PTPN2: variants seen among roughly 807,000 people sequenced by gnomAD.
The protein encoded by PTPN2 is tyrosine-protein phosphatase non-receptor type 2.
In PTPN2, 19 loss-of-function variants were observed where a neutral mutation model predicts 57.3. The observed-to-expected ratio is 0.33, with a 90% CI of 0.23 to 0.49. The LOEUF is 0.49. Among genes scored for constraint, PTPN2 ranks in the 20% least tolerant of loss-of-function variants. PTPN2 has a pLI of 0.99. For synonymous variants in PTPN2, 153 were observed against 164.9 expected, an observed-to-expected ratio of 0.93 and a Z score of 0.55; for missense variants, 358 against 501.1, an observed-to-expected ratio of 0.71 and a Z score of 2.73.
intron 1 of PTPN2, among the ~76,000 whole-genome samples, chr18:12,865,323 T>A (rs2043953616): frequency 6.6e-6 from 1 of 151,658 alleles, no homozygotes; most frequent in Non-Finnish European, 1.5e-5. Context: ...TGGTCCCAGC[T>A]ACTTGGGAGG....
chr18:12,792,987 G>A lies in PTPN2; in HGVS notation c.*1291C>T. The A allele has an allele frequency of 3.0e-6, 3 of 984,642 alleles. No individual in the cohort carries two copies. Among genetic ancestry groups the A allele is most frequent in the Non-Finnish European group, 3.6e-6 (3 of 829,210 alleles). The allele number at this position is 984,642 out of a possible 1,614,324, so 61.0% of individuals were successfully genotyped here. A position where few individuals can be genotyped will look rare whatever the true frequency, so the allele number is the denominator to read the frequency against. ...AAAGAGACAAGGCAGAGATGCTGTG[G>A]TTGAAAGTAACCTCTTGACCCACCT... On this transcript the variant is annotated 3_prime_UTR_variant, in exon 9 of 9. Transcript: ENST00000309660.
intron 8 of PTPN2, among the ~76,000 whole-genome samples, chr18:12,794,914 C>T (rs777231689): frequency 4.6e-5 from 7 of 152,106 alleles, no homozygotes; most frequent in Non-Finnish European, 8.8e-5. Context: ...TGAGCCACGG[C>T]GCCCGGCCAA....
At chr18:12,825,985 A>T (rs1428367219) in intron 4 of PTPN2, 41 bp from the exon 5 acceptor site, 4 of 1,491,748 alleles carry the variant, frequency 2.7e-6, no homozygotes. Context: ...TTTAGTTTAT[A>T]GACATCATGA....
At chr18:12,880,478 G>A (rs960720410) in intron 1 of PTPN2, 1 of 152,234 alleles carries the variant, frequency 6.6e-6, no homozygotes, top group African/African-American at 2.4e-5. Flanking sequence ...ACACTTGGTA[G>A]TTTGCATTTC....
chr18:12,836,035 T>C (rs2042853155), intron 3 of PTPN2, among the ~76,000 whole-genome samples: 1 of 152,238 alleles, frequency 6.6e-6, no homozygotes, highest in Admixed American at 6.5e-5. Context: ...CAAATATTTT[T>C]CTCTTTCAAA....
chr18:12,846,386 A>G (rs575501262), intron 2 of PTPN2, among the ~76,000 whole-genome samples: 1 of 152,328 alleles, frequency 6.6e-6, no homozygotes, highest in East Asian at 1.9e-4. Context: ...CAAAGGTAGA[A>G]CTTTCCCTAT....
chr18:12,839,143 CTT>C (rs2042964623), intron 2 of PTPN2, among the ~76,000 whole-genome samples: 1 of 152,132 alleles, frequency 6.6e-6, no homozygotes, highest in South Asian at 2.1e-4. Flanking sequence ...ATCAAAGCCT[CTT>C]TATGAGAAAC....
At chr18:12,882,004 G>A (rs1171966042) in intron 1 of PTPN2, among the ~76,000 whole-genome samples, 1 of 152,180 alleles carries the variant, frequency 6.6e-6, no homozygotes, top group East Asian at 1.9e-4. Context: ...CCTAGAGTGA[G>A]CACCTCGAGG....
In PTPN2 at chr18:12,794,071, C is replaced by T; in HGVS notation, c.*207G>A. On this transcript the variant is annotated 3_prime_UTR_variant, in exon 9 of 9. Coordinates refer to ENST00000309660, the MANE Select transcript of PTPN2 (RefSeq NM_002828.4). Reference sequence around the variant, plus strand: ...CAAACATGAATGTCTTTATTTTAGACAGCCATTTACAGTTTGGGGTTCAGA... The same window carrying T: ...CAAACATGAATGTCTTTATTTTAGATAGCCATTTACAGTTTGGGGTTCAGA... The T allele has an allele frequency of 1.4e-6, 2 of 1,414,112 alleles. No individual in the cohort carries two copies. The highest frequency in any genetic ancestry group is 1.8e-6 in the Non-Finnish European group (2 of 1,090,480). 87.6% of individuals were successfully genotyped at this position (1,414,112 alleles called of 1,614,324 possible). A position where few individuals can be genotyped will look rare whatever the true frequency, so the allele number is the denominator to read the frequency against.
At chr18:12,815,817 C>T (rs910005791) in intron 6 of PTPN2, among the ~76,000 whole-genome samples, 1 of 152,186 alleles carries the variant, frequency 6.6e-6, no homozygotes, top group Non-Finnish European at 1.5e-5. Context: ...AAGAGTATCA[C>T]TCCATTGATC....
At chr18:12,828,634 G>C (rs1196644132) in intron 4 of PTPN2, among the ~76,000 whole-genome samples, 1 of 152,190 alleles carries the variant, frequency 6.6e-6, no homozygotes, top group Non-Finnish European at 1.5e-5. Flanking sequence ...AACACTTATA[G>C]TTCCAAATTT....
intron 1 of PTPN2, among the ~76,000 whole-genome samples, chr18:12,868,676 G>A (rs1408203361): frequency 2.0e-5 from 3 of 149,550 alleles, no homozygotes; most frequent in African/African-American, 7.3e-5. Context: ...GCTCACGTTT[G>A]TAATTCCAGC....
chr18:12,830,218 C>T (rs1427535778), intron 4 of PTPN2, among the ~76,000 whole-genome samples: 2 of 151,842 alleles, frequency 1.3e-5, no homozygotes, highest in African/African-American at 2.4e-5. Flanking sequence ...GGCACAATCT[C>T]GGCTCACTGC....
chr18:12,857,060 CAAA>C (rs57221505), intron 2 of PTPN2, among the ~76,000 whole-genome samples: 2 of 101,016 alleles, frequency 2.0e-5, no homozygotes, highest in Non-Finnish European at 3.7e-5. Context: ...GACACCATCT[CAAA>C]AAAAAAAAAA....
At chr18:12,816,983 A>G (rs1387314968) in intron 6 of PTPN2, among the ~76,000 whole-genome samples, 173 bp downstream of exon 6, 1 of 152,200 alleles carries the variant, frequency 6.6e-6, no homozygotes, top group Admixed American at 6.5e-5. Context: ...CCAGTCATGA[A>G]TAAGAGGCAG....
intron 1 of PTPN2, among the ~76,000 whole-genome samples, chr18:12,870,438 TGTGTATATATATATATATATATATAGAG>T (rs1810540178): frequency 4.6e-5 from 1 of 21,634 alleles, no homozygotes; most frequent in Non-Finnish European, 6.8e-5. Flanking sequence ...TATATATATA[TGTGTATATATATATATATATATATAGAG>T]AGAGAGAGAG....
In PTPN2 at chr18:12,879,023, A is replaced by AGAAAG. The variant is rs1482083513; in HGVS notation, c.69+5049_69+5050insCTTTC. On this transcript the variant is annotated intron_variant, in intron 1 of 8. Coordinates refer to ENST00000309660, the MANE Select transcript of PTPN2 (RefSeq NM_002828.4). ...TCTCAAAGCTCAGCCTGATGAAGAC[A>AGAAAG]GCAATCAGCAGTGACAAAAGGAAAA... 2.0e-5 allele frequency among the ~76,000 whole-genome samples: 3 copies of AGAAAG among 152,228 alleles called. No homozygotes were observed. In the East Asian group the frequency reaches 5.8e-4, roughly 29 times the overall value.
intron 1 of PTPN2, chr18:12,883,580 C>A (rs1290431891): frequency 6.6e-6 from 1 of 152,416 alleles, no homozygotes; most frequent in African/African-American, 2.4e-5. Flanking sequence ...GCTCGCCCGC[C>A]CCCGCCCTCA....
intron 5 of PTPN2, among the ~76,000 whole-genome samples, chr18:12,824,921 A>G (rs1300578788): frequency 6.6e-6 from 1 of 152,040 alleles, no homozygotes; most frequent in Non-Finnish European, 1.5e-5. Context: ...CCCCATCTCT[A>G]TTAAAAAAAA....
Sources: allele counts gnomAD v4.1 joint callset (sites outside exome capture counted in the v4.1 genomes callset), GRCh38; gene constraint gnomAD v4.1.1; transcripts MANE v1.5; gene names NCBI Gene and HGNC (gene_info 2026-07-23, HGNC 2026-07-21).